The following PIGA variants were observed in gnomAD, a reference collection of about 807,000 sequenced individuals.
The protein encoded by PIGA is phosphatidylinositol glycan anchor biosynthesis class A.
Under a neutral mutation model 17.1 loss-of-function variants are expected in PIGA, and 3 were observed. That is an observed-to-expected ratio of 0.18 (90% CI 0.08 to 0.45). The LOEUF (loss-of-function observed/expected upper bound fraction) is 0.45, where lower values mean the gene tolerates loss of function less well. Ranked by LOEUF, PIGA falls within the 20% of genes least tolerant of loss-of-function variation. PIGA has a pLI of 0.99. For missense variants in PIGA, 231 were observed against 374.1 expected (o/e 0.62, Z 3.16); for synonymous variants, 126 against 135.1 (o/e 0.93, Z 0.47).
intron 2 of PIGA, chrX:15,328,566 T>C (rs1286661692): frequency 8.9e-6 from 1 of 112,613 alleles, no homozygotes; most frequent in Non-Finnish European, 1.9e-5. Context: ...TAATAAGGAA[T>C]GGACCATTAA....
At chrX:15,327,681 C>A (rs1922025696) in intron 2 of PIGA, 1 of 111,957 alleles carries the variant, frequency 8.9e-6, no homozygotes, top group African/African-American at 3.2e-5. Flanking sequence ...TAGTCTCCTA[C>A]AATTCCTTCA....
intron 5 of PIGA, 30 bp from the exon 6 acceptor site, chrX:15,321,802 T>C: frequency 8.5e-7 from 1 of 1,179,628 alleles, no homozygotes. Context: ...GTGTGAGCAC[T>C]TTCACCCATC....
chrX:15,320,527 G>A lies in PIGA; in HGVS notation c.*979C>T, dbSNP rs1274156977. The A allele has an allele frequency of 1.8e-5, 2 of 112,255 alleles. No homozygotes were observed. Among genetic ancestry groups the A allele is most frequent in the African/African-American group, 6.5e-5 (2 of 30,838 alleles). 9.3% of individuals were successfully genotyped at this position (112,255 alleles called of 1,213,427 possible). A position where few individuals can be genotyped will look rare whatever the true frequency, so the allele number is the denominator to read the frequency against. On this transcript the variant is annotated 3_prime_UTR_variant, in exon 6 of 6. Transcript: ENST00000333590. Reference sequence around the variant, plus strand: ...TGAAGGGGAGTGACTTACATTAAAAGGACAGGGTAGCAGCTGGTTTTGGGA... The same window carrying A: ...TGAAGGGGAGTGACTTACATTAAAAAGACAGGGTAGCAGCTGGTTTTGGGA...
chrX:15,334,664 G>C (rs1922277824), intron 1 of PIGA, among the ~76,000 whole-genome samples: 1 of 111,923 alleles, frequency 8.9e-6, no homozygotes. Context: ...AGTTCTACCA[G>C]TTTTAAAAGA....
At chrX:15,334,451 A>G (rs1345706333) in intron 1 of PIGA, among the ~76,000 whole-genome samples, 1 of 110,331 alleles carries the variant, frequency 9.1e-6, no homozygotes, top group East Asian at 2.8e-4. Flanking sequence ...CGGCCTCCCA[A>G]AGTGCTGGGA....
intron 2 of PIGA, among the ~76,000 whole-genome samples, chrX:15,330,573 A>C (rs1922123127): frequency 8.9e-6 from 1 of 112,281 alleles, no homozygotes; most frequent in Non-Finnish European, 1.9e-5. Context: ...AATCAGAAGA[A>C]AAAAGCCATC....
At position 15,320,184 on chromosome X, in the gene PIGA, T is replaced by A. The variant is rs754979626; in HGVS notation, c.*1322A>T. On this transcript the variant is annotated 3_prime_UTR_variant, in exon 6 of 6. Transcript: ENST00000333590. Reference sequence around the variant, plus strand: ...TAAAAAGTAATAAATTTTGTGAATGTTGTCATTTTTAAAAATCCTATACAG... The same window carrying A: ...TAAAAAGTAATAAATTTTGTGAATGATGTCATTTTTAAAAATCCTATACAG... 1 of 112,791 alleles carries A rather than the reference T, an allele frequency of 8.9e-6. No homozygotes were observed. The highest frequency in any genetic ancestry group is 1.9e-5 in the Non-Finnish European group (1 of 53,390). The allele number at this position is 112,791 out of a possible 1,213,427, so 9.3% of individuals were successfully genotyped here.
At position 15,330,969 on chromosome X, in the gene PIGA, C is replaced by T. The variant is rs1002015497; in HGVS notation, c.715+247G>A. ...TTTAAAAAGATCTGAAATTTAACAG[C>T]ATCAGGTTATTCTTATTTTTAGTAA... On this transcript the variant is annotated intron_variant, in intron 2 of 5. Coordinates refer to ENST00000333590, the MANE Select transcript of PIGA (RefSeq NM_002641.4). 38 of 294,438 alleles carry T rather than the reference C, an allele frequency of 1.3e-4. No individual in the cohort carries two copies. The Admixed American group carries it at 2.1e-3, about 16-fold the overall frequency. The allele number at this position is 294,438 out of a possible 1,213,427, so 24.3% of individuals were successfully genotyped here.
chrX:15,324,380 G>A (rs778339279), intron 5 of PIGA, among the ~76,000 whole-genome samples: 1 of 112,273 alleles, frequency 8.9e-6, no homozygotes, highest in African/African-American at 3.2e-5. Context: ...TACTCGTCTT[G>A]TCTCTACTCA....
intron 2 of PIGA, chrX:15,329,031 C>A (rs1298039312): frequency 8.9e-6 from 1 of 112,012 alleles, no homozygotes; most frequent in Non-Finnish European, 1.9e-5. Context: ...AAGTTCAGGC[C>A]AAGTTTCCTT....
At chrX:15,333,980 A>T (rs1424220203) in intron 1 of PIGA, among the ~76,000 whole-genome samples, 3 of 111,236 alleles carry the variant, frequency 2.7e-5, no homozygotes, top group African/African-American at 9.8e-5. Context: ...TTAGACACTT[A>T]AAGCTAAAAA....
At chrX:15,325,842 A>C in intron 3 of PIGA, 72 bp downstream of exon 3, 1 of 816,732 alleles carries the variant, frequency 1.2e-6, no homozygotes, top group Non-Finnish European at 1.8e-6. Flanking sequence ...CACCTAAGGT[A>C]CGCATGCAGT....
chrX:15,323,780 TA>T (rs769936615), intron 5 of PIGA, among the ~76,000 whole-genome samples: 375 of 112,078 alleles, frequency 3.3e-3, no homozygotes, highest in South Asian at 0.013. Context: ...CTATCTACTC[TA>T]GGCTAAAAAC....
At chrX:15,333,492 C>T (rs1428425471) in intron 1 of PIGA, among the ~76,000 whole-genome samples, 4 of 111,257 alleles carry the variant, frequency 3.6e-5, no homozygotes, top group African/African-American at 1.3e-4. Context: ...ACCAGCCTGG[C>T]CAACATGAAG....
Position 15,335,361 on chromosome X carries a change from G to C in PIGA, c.-63+140C>G, listed in dbSNP as rs45538433. On this transcript the variant is annotated intron_variant, in intron 1 of 5. Transcript: ENST00000333590. ...ACCCTCAGCCCCAACCTACTCTGGA[G>C]ACCCTCCGACCCAACTTCCGGGCTT... The C allele has an allele frequency of 0.39, 199,101 of 508,519 alleles. 29,053 individuals are homozygous for C. Among genetic ancestry groups the C allele is most frequent in the South Asian group, 0.57 (7,772 of 13,692 alleles). 41.9% of individuals were successfully genotyped at this position (508,519 alleles called of 1,213,427 possible).
At position 15,335,503 on chromosome X, in the gene PIGA, G is replaced by C. The variant is rs1224000404; in HGVS notation, c.-65C>G. On this transcript the variant is annotated splice_region_variant and 5_prime_UTR_variant, in exon 1 of 6. Transcript: ENST00000333590. ...GGGGCGGCGCGACGCGCACTCACCG[G>C]TGAGTTCCATGGCCGCCAGTGTCCG... 2.0e-6 allele frequency: 2 copies of C among 981,970 alleles called. No individual in the cohort carries two copies. The highest frequency in any genetic ancestry group is 2.6e-6 in the Non-Finnish European group (2 of 779,162). The allele number at this position is 981,970 out of a possible 1,213,427, so 80.9% of individuals were successfully genotyped here.
chrX:15,331,249 T>C lies in PIGA; in HGVS notation c.682A>G (p.Ile228Val), dbSNP rs753475633. The change falls in exon 2 of 6, where the codon ATT (isoleucine) becomes GTT (valine). Residue 228 changes from isoleucine (I) to valine (V), a missense_variant. Ile to Val is a conservative substitution (Grantham distance 29). This residue lies in a region of PIGA where 83 missense variants were observed against 190.1 expected (regional missense o/e 0.44). Coordinates refer to ENST00000333590, the MANE Select transcript of PIGA (RefSeq NM_002641.4). ...DPFRRHDSITIVVVSRLVYRK... is the reference protein window; with the variant it reads ...DPFRRHDSITVVVVSRLVYRK... ...TAAACAAGTCTGCTGACAACAACAA[T>C]AGTTATACTATCATGCCTTCTAAAT... 24 of 1,200,821 alleles carry C rather than the reference T, an allele frequency of 2.0e-5. No homozygotes were observed. Among genetic ancestry groups the C allele is most frequent in the Middle Eastern group, 2.3e-4 (1 of 4,337 alleles).
rs1310986986 is a variant in PIGA at position 15,324,680 on chromosome X, T to G, written c.1173A>C (p.Ala391=). The G allele has an allele frequency of 1.7e-6, 2 of 1,199,936 alleles. No individual in the cohort carries two copies. The highest frequency in any genetic ancestry group is 1.1e-6 in the Non-Finnish European group (1 of 884,641). The change falls in exon 5 of 6, where the codon GCA becomes GCC. Residue 391 remains alanine, a synonymous_variant. Coordinates refer to ENST00000333590, the MANE Select transcript of PIGA (RefSeq NM_002641.4). ...VKTFYTWRNV[A]ERTEKVYDRV... is the part of the protein sequence containing the mutation. Reference sequence around the variant, plus strand: ...TGTGACATACCTTTTCAGTTCTTTCTGCAACATTCCTCCAGGTGTAGAAAG... The same window carrying G: ...TGTGACATACCTTTTCAGTTCTTTCGGCAACATTCCTCCAGGTGTAGAAAG...
chrX:15,325,033 C>A lies in PIGA; in HGVS notation c.968G>T (p.Ser323Ile). 1.7e-6 allele frequency: 2 copies of A among 1,203,015 alleles called. No homozygotes were observed. The highest frequency in any genetic ancestry group is 2.2e-6 in the Non-Finnish European group (2 of 893,085). ...AAAGCTTTTTACCTGTAAACCACAA[C>A]TGGCTGCTTCCACGATCGCCATGCA... ...AFCMAIVEAA[S>I]CGLQVVSTRV... The change falls in exon 4 of 6, where the codon AGT becomes ATT. Residue 323 changes from serine (S) to isoleucine (I), a missense_variant. Ser to Ile is a moderately radical substitution (Grantham distance 142). Transcript: ENST00000333590.
Sources: allele counts gnomAD v4.1 joint callset (sites outside exome capture counted in the v4.1 genomes callset), GRCh38; gene constraint gnomAD v4.1.1; regional missense constraint gnomAD v4.1.1; transcripts MANE v1.5; gene names NCBI Gene and HGNC (gene_info 2026-07-23, HGNC 2026-07-21).